The following CDH13 variants were observed in gnomAD, a reference collection of about 807,000 sequenced individuals.
CDH13 encodes cadherin-13.
Under a neutral mutation model 63.8 loss-of-function variants are expected in CDH13, and 24 were observed. That is an observed-to-expected ratio of 0.38 (90% CI 0.27 to 0.53). The LOEUF (loss-of-function observed/expected upper bound fraction) is 0.53. Among genes scored for constraint, CDH13 ranks in the 20% least tolerant of loss-of-function variants. The pLI, the probability that CDH13 is intolerant of heterozygous loss-of-function variation, is 0.85. For missense variants in CDH13, 1,049 were observed against 903.1 expected, an observed-to-expected ratio of 1.16 and a Z score of -2.07; for synonymous variants, 503 against 355.3, an observed-to-expected ratio of 1.42 and a Z score of -4.67.
chr16:83,519,337 C>CA (rs2074775171), intron 7 of CDH13, among the ~76,000 whole-genome samples: 2 of 152,174 alleles, frequency 1.3e-5, no homozygotes, highest in African/African-American at 4.8e-5. Flanking sequence ...CATATGAACA[C>CA]AACACAGCCT....
chr16:83,456,311 A>T (rs961328539), intron 6 of CDH13, among the ~76,000 whole-genome samples: 17 of 152,200 alleles, frequency 1.1e-4, no homozygotes, highest in Non-Finnish European at 2.2e-4. Context: ...CGACCTAGAG[A>T]CAGGAAAGGG....
At chr16:83,124,758 G>A (rs1456372504) in intron 3 of CDH13, among the ~76,000 whole-genome samples, 1 of 151,962 alleles carries the variant, frequency 6.6e-6, no homozygotes, top group Admixed American at 6.6e-5. Context: ...GGGTGTTTAG[G>A]CCAACACCAT....
chr16:83,559,252 A>T (rs991330870), intron 7 of CDH13, among the ~76,000 whole-genome samples: 1 of 152,168 alleles, frequency 6.6e-6, no homozygotes, highest in Non-Finnish European at 1.5e-5. Flanking sequence ...ATCACTTCAC[A>T]TGTAGTATGG....
intron 2 of CDH13, among the ~76,000 whole-genome samples, chr16:82,919,359 C>T (rs2042087181): frequency 6.6e-6 from 1 of 152,156 alleles, no homozygotes; most frequent in Admixed American, 6.6e-5. Context: ...TCTTTCTCCT[C>T]CCACCCTCCA....
intron 1 of CDH13, among the ~76,000 whole-genome samples, chr16:82,650,796 C>T (rs1193855124): frequency 6.6e-6 from 1 of 152,200 alleles, no homozygotes; most frequent in Non-Finnish European, 1.5e-5. Context: ...ATTGATTTTG[C>T]ATAGTGTAGA....
At chr16:83,014,841 TG>T (rs1914591147) in intron 2 of CDH13, among the ~76,000 whole-genome samples, 2 of 46,200 alleles carry the variant, frequency 4.3e-5, no homozygotes, top group African/African-American at 1.3e-4. Context: ...TATATATATT[TG>T]TATATATATA....
intron 5 of CDH13, among the ~76,000 whole-genome samples, chr16:83,263,455 T>A (rs142326040): frequency 3.9e-4 from 59 of 152,292 alleles, no homozygotes; most frequent in South Asian, 8.3e-4. Context: ...TGCAGAGATC[T>A]ACCAACCACA....
intron 2 of CDH13, among the ~76,000 whole-genome samples, chr16:82,868,261 C>T (rs2040221363): frequency 6.6e-6 from 1 of 152,172 alleles, no homozygotes; most frequent in Non-Finnish European, 1.5e-5. Flanking sequence ...CTCCTATTTA[C>T]ATTAATAAGA....
intron 1 of CDH13, among the ~76,000 whole-genome samples, chr16:82,704,397 T>G (rs182752594): frequency 2.0e-5 from 3 of 152,354 alleles, no homozygotes; most frequent in Admixed American, 6.5e-5. Context: ...TACTTCAACA[T>G]TTTTGGTGGA....
intron 7 of CDH13, among the ~76,000 whole-genome samples, chr16:83,541,869 G>T (rs923093252): frequency 2.0e-5 from 3 of 152,240 alleles, no homozygotes; most frequent in Non-Finnish European, 4.4e-5. Flanking sequence ...GACAGAGCTT[G>T]CATCATAGCT....
intron 2 of CDH13, among the ~76,000 whole-genome samples, chr16:82,898,247 G>T (rs973603813): frequency 6.6e-6 from 1 of 152,090 alleles, no homozygotes. Flanking sequence ...GAACATGGCC[G>T]GGCGTGGTGG....
chr16:82,639,884 C>T (rs1358369085), intron 1 of CDH13, among the ~76,000 whole-genome samples: 6 of 152,230 alleles, frequency 3.9e-5, no homozygotes, highest in African/African-American at 1.4e-4. Flanking sequence ...GGGTCCTCAC[C>T]ACTGTGTGCA....
chr16:82,903,534 C>A (rs542504684), intron 2 of CDH13, among the ~76,000 whole-genome samples: 1 of 152,174 alleles, frequency 6.6e-6, no homozygotes, highest in South Asian at 2.1e-4. Context: ...CTGCCATTAT[C>A]TTTCTCTGAC....
At chr16:82,837,271 A>G (rs578080996) in intron 1 of CDH13, among the ~76,000 whole-genome samples, 2 of 152,276 alleles carry the variant, frequency 1.3e-5, no homozygotes, top group Admixed American at 1.3e-4. Flanking sequence ...GGTGGTGAGC[A>G]TGGGGAGAGC....
chr16:82,809,695 A>G (rs1396076150), intron 1 of CDH13, among the ~76,000 whole-genome samples: 4 of 152,124 alleles, frequency 2.6e-5, no homozygotes, highest in Non-Finnish European at 5.9e-5. Flanking sequence ...CAAATATGTT[A>G]TGGTTACCAT....
At chr16:83,601,244 G>A (rs1907762725) in intron 7 of CDH13, among the ~76,000 whole-genome samples, 1 of 152,150 alleles carries the variant, frequency 6.6e-6, no homozygotes, top group Non-Finnish European at 1.5e-5. Context: ...TGAATGGTAT[G>A]ATTGTGGACC....
chr16:82,890,130 T>C (rs1053152831), intron 2 of CDH13, among the ~76,000 whole-genome samples: 3 of 152,212 alleles, frequency 2.0e-5, no homozygotes, highest in Non-Finnish European at 4.4e-5. Context: ...ACCAATCAGT[T>C]GATGCTAGCT....
intron 1 of CDH13, among the ~76,000 whole-genome samples, chr16:82,712,835 C>T (rs2032056389): frequency 6.6e-6 from 1 of 152,138 alleles, no homozygotes; most frequent in Non-Finnish European, 1.5e-5. Context: ...CCACCATCAG[C>T]TTCTCCCCTA....
intron 2 of CDH13, among the ~76,000 whole-genome samples, chr16:82,876,202 A>C (rs76345428): frequency 6.6e-6 from 1 of 152,190 alleles, no homozygotes. Context: ...AAACCATATC[A>C]TGTCCTACAG....
Sources: gnomAD v4.1 joint callset for allele counts (sites outside exome capture counted in the v4.1 genomes callset) on GRCh38, gnomAD v4.1.1 for gene constraint, MANE v1.5 for transcripts, NCBI Gene and HGNC (gene_info 2026-07-23, HGNC 2026-07-21) for gene names.